The following IQCM variants were observed in gnomAD, a reference collection of about 807,000 sequenced individuals.
IQCM encodes the protein IQ motif containing M, also known as IQ domain-containing protein M.
Under a neutral mutation model 57.6 loss-of-function variants are expected in IQCM, and 45 were observed. That is an observed-to-expected ratio of 0.78 (90% CI 0.62 to 1.00). IQCM has a LOEUF of 1.00. Among genes scored for constraint, IQCM ranks in the 50% least tolerant of loss-of-function variants. IQCM has a pLI of 0.00. For synonymous variants in IQCM, 148 were observed against 158.9 expected, an observed-to-expected ratio of 0.93 and a Z score of 0.51; for missense variants, 468 against 511.6, an observed-to-expected ratio of 0.91 and a Z score of 0.82.
At chr4:149,775,265 A>T (rs552906408) in intron 2 of IQCM, among the ~76,000 whole-genome samples, 4 of 152,214 alleles carry the variant, frequency 2.6e-5, no homozygotes, top group African/African-American at 9.6e-5. Context: ...TGTTTCTCCA[A>T]AAGCAAATGT....
At chr4:149,467,668 G>C (rs1739002933) in intron 12 of IQCM, among the ~76,000 whole-genome samples, 1 of 152,202 alleles carries the variant, frequency 6.6e-6, no homozygotes, top group African/African-American at 2.4e-5. Flanking sequence ...TATACCAGTA[G>C]GCTGGATGGA....
chr4:149,535,425 A>G (rs1170331388), intron 12 of IQCM, among the ~76,000 whole-genome samples: 1 of 152,016 alleles, frequency 6.6e-6, no homozygotes, highest in Non-Finnish European at 1.5e-5. Flanking sequence ...TAATTTAATC[A>G]TATAAAACAA....
At chr4:149,622,584 G>A (rs529672040) in intron 7 of IQCM, among the ~76,000 whole-genome samples, 18 of 152,098 alleles carry the variant, frequency 1.2e-4, no homozygotes, top group Middle Eastern at 3.4e-3. Context: ...ATTATTCAAC[G>A]GAAGCAAAGG....
chr4:149,591,192 G>A (rs1342232215), intron 8 of IQCM, among the ~76,000 whole-genome samples: 1 of 151,860 alleles, frequency 6.6e-6, no homozygotes, highest in Non-Finnish European at 1.5e-5. Flanking sequence ...TACACCTGAG[G>A]CTTCTTTCTA....
intron 12 of IQCM, among the ~76,000 whole-genome samples, chr4:149,547,381 T>C (rs1197483021): frequency 1.3e-5 from 2 of 152,194 alleles, no homozygotes; most frequent in African/African-American, 4.8e-5. Context: ...TTAAGTTAAA[T>C]AAGCCAGATA....
At chr4:149,709,155 A>C (rs1378746444) in intron 5 of IQCM, among the ~76,000 whole-genome samples, 1 of 152,132 alleles carries the variant, frequency 6.6e-6, no homozygotes, top group Non-Finnish European at 1.5e-5. Flanking sequence ...ACTAAACTCT[A>C]AAACCACATA....
intron 13 of IQCM, among the ~76,000 whole-genome samples, chr4:149,355,489 C>T (rs1039562399): frequency 1.6e-4 from 24 of 147,276 alleles, no homozygotes; most frequent in South Asian, 2.2e-4. Flanking sequence ...TGAGAACATG[C>T]GGTGTTTGGT....
intron 10 of IQCM, among the ~76,000 whole-genome samples, chr4:149,555,385 C>T (rs1186913992): frequency 6.6e-6 from 1 of 152,184 alleles, no homozygotes; most frequent in Non-Finnish European, 1.5e-5. Flanking sequence ...ACGTGAACTT[C>T]ATCCATTATC....
chr4:149,352,017 C>A lies in IQCM; in HGVS notation c.1440G>T (p.Lys480Asn), dbSNP rs1728619204. The A allele has an allele frequency of 2.5e-6, 1 of 398,864 alleles. No homozygotes were observed. Among genetic ancestry groups the A allele is most frequent in the African/African-American group, 2.1e-5 (1 of 48,648 alleles). The allele number at this position is 398,864 out of a possible 1,614,324, so 24.7% of individuals were successfully genotyped here. Residue 480 changes from lysine to asparagine, a missense_variant, in exon 14 of 14, where the codon AAG (lysine) becomes AAT (asparagine). Lys to Asn is a moderately conservative substitution (Grantham distance 94). Coordinates refer to ENST00000636793, the MANE Select transcript of IQCM (RefSeq NM_001363507.2). ...TTTCTCTTATGGATCGGGCCACCAA[C>A]TTTCCAACAACCCGGATGTTAGCTC... Reference protein sequence around the residue: ...LKRANIRVVGKLVARSIRERK... With the variant: ...LKRANIRVVGNLVARSIRERK...
chr4:149,760,911 C>T (rs1769442346), intron 2 of IQCM, among the ~76,000 whole-genome samples: 1 of 151,916 alleles, frequency 6.6e-6, no homozygotes. Flanking sequence ...CATATTATGC[C>T]CAAAGTCTTT....
At chr4:149,735,602 G>T (rs1486007367) in intron 3 of IQCM, 144 bp from the exon 4 acceptor site, 3 of 392,956 alleles carry the variant, frequency 7.6e-6, no homozygotes, top group African/African-American at 6.2e-5. Context: ...AGGTTGTAAT[G>T]GTCAGGTGAT....
At chr4:149,639,599 G>T (rs1489828777) in intron 7 of IQCM, among the ~76,000 whole-genome samples, 1 of 151,794 alleles carries the variant, frequency 6.6e-6, no homozygotes, top group East Asian at 1.9e-4. Flanking sequence ...CTCCTACCAA[G>T]TATTTTAAAG....
intron 8 of IQCM, among the ~76,000 whole-genome samples, chr4:149,606,767 C>T (rs569976623): frequency 6.6e-6 from 1 of 151,996 alleles, no homozygotes; most frequent in East Asian, 1.9e-4. Context: ...ATTCAATTGA[C>T]AAACTGAAGA....
At chr4:149,467,504 C>T (rs1184689618) in intron 12 of IQCM, among the ~76,000 whole-genome samples, 1 of 152,076 alleles carries the variant, frequency 6.6e-6, no homozygotes, top group African/African-American at 2.4e-5. Context: ...AAGTAAATTG[C>T]TTGTATGTTT....
At chr4:149,676,727 T>G (rs571229623) in intron 7 of IQCM, among the ~76,000 whole-genome samples, 1 of 152,198 alleles carries the variant, frequency 6.6e-6, no homozygotes, top group East Asian at 1.9e-4. Context: ...AGATAATTTT[T>G]TAAGCAAACG....
At chr4:149,499,011 C>T (rs1016072135) in intron 12 of IQCM, among the ~76,000 whole-genome samples, 8 of 152,114 alleles carry the variant, frequency 5.3e-5, no homozygotes, top group African/African-American at 1.9e-4. Flanking sequence ...AGGTTCTCCA[C>T]CAAGTTCAAA....
intron 7 of IQCM, among the ~76,000 whole-genome samples, chr4:149,665,373 T>C (rs1760623216): frequency 6.6e-6 from 1 of 152,120 alleles, no homozygotes; most frequent in South Asian, 2.1e-4. Flanking sequence ...CACCTTACTT[T>C]TTCCTTGCAA....
chr4:149,785,311 A>C (rs1771980857), intron 2 of IQCM, among the ~76,000 whole-genome samples: 1 of 152,222 alleles, frequency 6.6e-6, no homozygotes, highest in African/African-American at 2.4e-5. Flanking sequence ...TAGGCACACA[A>C]AGTTATAAGA....
rs775334027 is a variant in IQCM, at chr4:149,733,446, G to T, written c.183C>A (p.Gly61=). Reference sequence around the variant, plus strand: ...TGTCAATCTCCAAAGGTATGTATTTGCCAGATTTCGGTTTTTGGTGTTTCT... The same window carrying T: ...TGTCAATCTCCAAAGGTATGTATTTTCCAGATTTCGGTTTTTGGTGTTTCT... The part of the protein sequence containing the change: ...FRKKHQKPKS[G]KYIPLEIDKK... The change falls in exon 5 of 14, where the codon GGC becomes GGA. Residue 61 remains glycine, a synonymous_variant. Transcript: ENST00000636793. 38 of 1,231,564 alleles carry T rather than the reference G, an allele frequency of 3.1e-5. No homozygotes were observed. Among genetic ancestry groups the T allele is most frequent in the Non-Finnish European group, 3.7e-5 (37 of 987,656 alleles). 76.3% of individuals were successfully genotyped at this position (1,231,564 alleles called of 1,614,324 possible).
Sources: gnomAD v4.1 joint callset for allele counts (sites outside exome capture counted in the v4.1 genomes callset) on GRCh38, gnomAD v4.1.1 for gene constraint, MANE v1.5 for transcripts, NCBI Gene and HGNC (gene_info 2026-07-23, HGNC 2026-07-21) for gene names.